The following ZNF385D variants were observed in gnomAD, a reference collection of about 807,000 sequenced individuals.
ZNF385D encodes the protein zinc finger protein 659.
Under a neutral mutation model 35.8 loss-of-function variants are expected in ZNF385D, and 15 were observed. The ratio of observed to expected loss-of-function variants is 0.42; its 90% CI spans 0.28 to 0.64. ZNF385D has a LOEUF of 0.64. Among genes scored for constraint, ZNF385D ranks in the 30% least tolerant of loss-of-function variants. ZNF385D has a pLI of 0.23. For synonymous variants in ZNF385D, 212 were observed against 186.8 expected (o/e 1.13, Z -1.10); for missense variants, 474 against 494.6 (o/e 0.96, Z 0.39).
chr3:21,681,852 G>C (rs1192169159), intron 1 of ZNF385D, among the ~76,000 whole-genome samples: 1 of 151,994 alleles, frequency 6.6e-6, no homozygotes, highest in Non-Finnish European at 1.5e-5. Context: ...TTGATTTACT[G>C]ATCCATTGGC....
intron 3 of ZNF385D, among the ~76,000 whole-genome samples, chr3:21,908,801 A>C (rs370351259): frequency 9.2e-5 from 14 of 152,172 alleles, no homozygotes; most frequent in Admixed American, 8.5e-4. Flanking sequence ...AAAAAACAAC[A>C]ACCTTTGCCT....
At chr3:21,601,241 CAA>C (rs1312010316) in intron 2 of ZNF385D, among the ~76,000 whole-genome samples, 2 of 152,108 alleles carry the variant, frequency 1.3e-5, no homozygotes, top group Non-Finnish European at 2.9e-5. Flanking sequence ...ACCAGTTCCT[CAA>C]AAGATTTCTT....
chr3:21,909,319 G>T (rs1285929352), intron 3 of ZNF385D, among the ~76,000 whole-genome samples: 2 of 151,968 alleles, frequency 1.3e-5, no homozygotes, highest in Non-Finnish European at 2.9e-5. Flanking sequence ...TGCAGCAAAA[G>T]TTCATGTAAC....
intron 1 of ZNF385D, among the ~76,000 whole-genome samples, chr3:21,735,653 A>G (rs554526960): frequency 6.6e-6 from 1 of 152,202 alleles, no homozygotes; most frequent in Non-Finnish European, 1.5e-5. Context: ...ATTCCTAATT[A>G]GCATATCATT....
At chr3:22,295,327 G>T (rs988488785) in intron 2 of ZNF385D, among the ~76,000 whole-genome samples, 1 of 152,106 alleles carries the variant, frequency 6.6e-6, no homozygotes, top group Admixed American at 6.6e-5. Context: ...AAACACATGA[G>T]ATGTAGAATA....
intron 3 of ZNF385D, among the ~76,000 whole-genome samples, chr3:21,989,477 G>A (rs1186723220): frequency 1.3e-5 from 2 of 152,164 alleles, no homozygotes; most frequent in Admixed American, 6.5e-5. Flanking sequence ...GTTTAGACAT[G>A]TAAAAGACAA....
intron 2 of ZNF385D, among the ~76,000 whole-genome samples, chr3:22,370,890 G>A (rs1696872193): frequency 1.3e-5 from 2 of 152,242 alleles, no homozygotes; most frequent in East Asian, 3.9e-4. Flanking sequence ...TAATTCAGAA[G>A]CCCCGATTTT....
At chr3:21,981,618 T>C (rs187120484) in intron 3 of ZNF385D, among the ~76,000 whole-genome samples, 13 of 152,304 alleles carry the variant, frequency 8.5e-5, no homozygotes, top group Admixed American at 3.9e-4. Context: ...TTTGGTGTCT[T>C]TGTCATAAAA....
At chr3:22,149,089 G>C (rs1296675781) in intron 3 of ZNF385D, among the ~76,000 whole-genome samples, 1 of 152,136 alleles carries the variant, frequency 6.6e-6, no homozygotes, top group Non-Finnish European at 1.5e-5. Context: ...CATCAACTAA[G>C]AGCTGGTTAG....
intron 2 of ZNF385D, among the ~76,000 whole-genome samples, chr3:21,627,246 GGTGTGTGT>G (rs55918045): frequency 3.5e-3 from 488 of 139,386 alleles, no homozygotes; most frequent in South Asian, 8.1e-3. Flanking sequence ...AGAGGTGTAG[GGTGTGTGT>G]GTGTGTGTGT....
intron 3 of ZNF385D, among the ~76,000 whole-genome samples, chr3:22,060,728 A>G (rs543659315): frequency 1.3e-5 from 2 of 152,210 alleles, no homozygotes; most frequent in African/African-American, 4.8e-5. Flanking sequence ...AATATAGATT[A>G]TTATTGGGTT....
chr3:21,881,697 G>C (rs1418306949), intron 3 of ZNF385D, among the ~76,000 whole-genome samples: 1 of 151,960 alleles, frequency 6.6e-6, no homozygotes, highest in African/African-American at 2.4e-5. Flanking sequence ...TGCCATTCTA[G>C]TGACTCCTCT....
At chr3:21,504,624 A>C (rs999724516) in intron 4 of ZNF385D, among the ~76,000 whole-genome samples, 1 of 152,212 alleles carries the variant, frequency 6.6e-6, no homozygotes. Context: ...TTTAGCAAGA[A>C]TATGATAGGG....
chr3:21,852,603 T>G (rs1253399749), intron 3 of ZNF385D, among the ~76,000 whole-genome samples: 1 of 151,934 alleles, frequency 6.6e-6, no homozygotes, highest in Non-Finnish European at 1.5e-5. Flanking sequence ...AGCATGAGAT[T>G]AGGCAGTAAT....
At chr3:21,664,723 A>G (rs960553700) in intron 2 of ZNF385D, among the ~76,000 whole-genome samples, 163 bp downstream of exon 2, 2 of 152,118 alleles carry the variant, frequency 1.3e-5, no homozygotes, top group Non-Finnish European at 2.9e-5. Context: ...GGTTCTGGGG[A>G]TTTTGCCTAA....
chr3:21,729,110 C>T (rs1425262628), intron 1 of ZNF385D, among the ~76,000 whole-genome samples: 1 of 152,126 alleles, frequency 6.6e-6, no homozygotes, highest in Non-Finnish European at 1.5e-5. Flanking sequence ...TATTTCATTT[C>T]ATGCTGAGCC....
chr3:21,969,135 A>C (rs1238922544), intron 3 of ZNF385D, among the ~76,000 whole-genome samples: 1 of 152,156 alleles, frequency 6.6e-6, no homozygotes, highest in Non-Finnish European at 1.5e-5. Flanking sequence ...TCTGCTTGTA[A>C]AATGGGGAGG....
At chr3:21,998,538 T>C (rs551184001) in intron 3 of ZNF385D, among the ~76,000 whole-genome samples, 8 of 152,326 alleles carry the variant, frequency 5.3e-5, no homozygotes, top group Middle Eastern at 3.4e-3. Flanking sequence ...ATAAACATCA[T>C]AGGAATTTCT....
intron 3 of ZNF385D, among the ~76,000 whole-genome samples, chr3:21,864,531 T>C (rs1559702759): frequency 6.6e-6 from 1 of 152,096 alleles, no homozygotes; most frequent in African/African-American, 2.4e-5. Flanking sequence ...AGAATTAAAC[T>C]GGCTAACATA....
Sources: gnomAD v4.1 joint callset for allele counts (sites outside exome capture counted in the v4.1 genomes callset) on GRCh38, gnomAD v4.1.1 for gene constraint, MANE v1.5 for transcripts, NCBI Gene and HGNC (gene_info 2026-07-23, HGNC 2026-07-21) for gene names.